RSPH1: variants seen among roughly 807,000 people sequenced by gnomAD.
RSPH1 encodes radial spoke head 1 homolog.
A neutral mutation model predicts 44.2 loss-of-function variants in RSPH1; 32 were observed. The ratio of observed to expected loss-of-function variants is 0.72; its 90% confidence interval spans 0.55 to 0.97. The LOEUF is 0.97. Among genes scored for constraint, RSPH1 ranks in the 50% least tolerant of loss-of-function variants. RSPH1 has a pLI of 0.00. For synonymous variants in RSPH1, 134 were observed against 147.3 expected (o/e 0.91, Z 0.65); for missense variants, 391 against 398.7 (o/e 0.98, Z 0.16).
Position 42,474,918 on chromosome 21 carries a change from T to C in RSPH1, c.877+980A>G, listed in dbSNP as rs568207353. On this transcript the variant is annotated intron_variant, in intron 8 of 8. Transcript: ENST00000291536. The surrounding 1 kb of genome is among the most constrained non-coding windows in gnomAD (Gnocchi z 5.2). The stretch of plus-strand genomic sequence containing the variant: ...ATTATTTTCAAAGGAATGGGAAGTA[T>C]ATTCTTAATTTACAACAGAGACAAA... 6.6e-6 allele frequency among the ~76,000 whole-genome samples: 1 copy of C among 152,248 alleles called. No homozygotes were observed. The highest frequency in any genetic ancestry group is 1.5e-5 in the Non-Finnish European group (1 of 68,030).
At position 42,486,478 on chromosome 21, in the gene RSPH1, A is replaced by T; in HGVS notation, c.275-17T>A. 6.3e-7 allele frequency: 1 copy of T among 1,591,800 alleles called. No individual in the cohort carries two copies. The highest frequency in any genetic ancestry group is 8.6e-7 in the Non-Finnish European group (1 of 1,159,606). On this transcript the variant is annotated splice_polypyrimidine_tract_variant and intron_variant, in intron 3 of 8. Coordinates refer to ENST00000291536, the MANE Select transcript of RSPH1 (RefSeq NM_080860.4). ...CCCACTCTCCTGAAAGGAACAACAC[A>T]AAGGCAAGCCCAGGTGAGAAGAAGG...
intron 1 of RSPH1, among the ~76,000 whole-genome samples, chr21:42,494,305 T>C (rs1477242475): frequency 6.6e-6 from 1 of 152,200 alleles, no homozygotes; most frequent in Non-Finnish European, 1.5e-5. Flanking sequence ...ATAGACTTAT[T>C]ATAACACAAG....
chr21:42,475,607 C>T lies in RSPH1; in HGVS notation c.877+291G>A, dbSNP rs537504508. Among the ~76,000 whole-genome samples the T allele has an allele frequency of 6.1e-5, 9 of 148,134 alleles. No individual in the cohort carries two copies. The East Asian group carries it at 1.0e-3, about 17-fold the overall frequency. ...AATCATGCAACAGAAGAAAGCCAGG[C>T]TCTGCATGTCTGACAGGGCTCTCCA... On this transcript the variant is annotated intron_variant, in intron 8 of 8. Transcript: ENST00000291536.
intron 6 of RSPH1, among the ~76,000 whole-genome samples, chr21:42,481,571 G>A (rs577667291): frequency 6.6e-6 from 1 of 152,152 alleles, no homozygotes; most frequent in Non-Finnish European, 1.5e-5. Context: ...ACTAGGAGGG[G>A]ACACCTCAAC....
Position 42,495,881 on chromosome 21 carries a change from TG to T in RSPH1, c.54+251del, listed in dbSNP as rs1220183103. 5.8e-6 allele frequency: 3 copies of T among 518,864 alleles called. No individual in the cohort carries two copies. The East Asian group carries it at 9.4e-5, about 16-fold the overall frequency. 32.1% of individuals were successfully genotyped at this position (518,864 alleles called of 1,614,324 possible). ...TCCGCTGGGAAATCTTTGCCTTTAATGGGAGGCAGGATGGGGGTGGGGGAAG... is the reference window on the plus strand; with the variant it reads ...TCCGCTGGGAAATCTTTGCCTTTAATGGAGGCAGGATGGGGGTGGGGGAAG... On this transcript the variant is annotated intron_variant, in intron 1 of 8. Coordinates refer to ENST00000291536, the MANE Select transcript of RSPH1 (RefSeq NM_080860.4).
rs150967921 is a variant in RSPH1, at chr21:42,494,351, C to T, written c.55-1272G>A. 1.1e-4 allele frequency among the ~76,000 whole-genome samples: 17 copies of T among 152,248 alleles called. 2 individuals are homozygous for T. The highest frequency in any genetic ancestry group is 1.9e-4 in the East Asian group (1 of 5,184). The stretch of plus-strand genomic sequence containing the variant: ...CTACATTGAGGACTTCAGAAATAAA[C>T]GTCTGTGCAATTCTTGCCCTTTTCT... On this transcript the variant is annotated intron_variant, in intron 1 of 8. Transcript: ENST00000291536.
chr21:42,478,549 C>A (rs1255902454), intron 6 of RSPH1, among the ~76,000 whole-genome samples: 1 of 152,228 alleles, frequency 6.6e-6, no homozygotes, highest in Non-Finnish European at 1.5e-5. Context: ...GGGAACTGCA[C>A]GCCACTTTAT....
At position 42,484,478 on chromosome 21, in the gene RSPH1, C is replaced by T. The variant is rs2054159207; in HGVS notation, c.501+1191G>A. Among the ~76,000 whole-genome samples, 3 of 152,066 alleles carry T rather than the reference C, an allele frequency of 2.0e-5. No individual in the cohort carries two copies. The South Asian group carries it at 6.2e-4, about 31-fold the overall frequency. On this transcript the variant is annotated intron_variant, in intron 5 of 8. Coordinates refer to ENST00000291536, the MANE Select transcript of RSPH1 (RefSeq NM_080860.4). ...ATGATCCTAATTATGTAATTAAAAC[C>T]CCCAAACAATAATTCTGTGTCAGAT... is the stretch of plus-strand genomic sequence containing the variant.
chr21:42,477,930 A>AC (rs1376534598), intron 6 of RSPH1, among the ~76,000 whole-genome samples: 1 of 152,156 alleles, frequency 6.6e-6, no homozygotes, highest in Non-Finnish European at 1.5e-5. Flanking sequence ...AATAAAAGAA[A>AC]CAGCCATTTG....
At chr21:42,488,987 A>AGTTG (rs71332366) in intron 3 of RSPH1, among the ~76,000 whole-genome samples, 50,959 of 151,264 alleles carry the variant, frequency 0.34, 10,113 homozygotes, top group Admixed American at 0.55. Flanking sequence ...AGTAACTCCC[A>AGTTG]GTTGGTTGGT....
rs144168704 is a variant in RSPH1 at position 42,475,992 on chromosome 21, C to G, written c.783G>C (p.Glu261Asp). 4.3e-6 allele frequency: 7 copies of G among 1,613,326 alleles called. No individual in the cohort carries two copies. Among genetic ancestry groups the G allele is most frequent in the South Asian group, 1.1e-5 (1 of 90,968 alleles). ...AQALLEGFEG[E>D]MDMRPGDEDA... ...CTTCATCTCCAGGCCTCATGTCCAT[C>G]TCACCCTCGAAGCCCTCCAGCAGAG... Residue 261 changes from glutamate to aspartate, a missense_variant, in exon 8 of 9, where the codon GAG becomes GAC. Physicochemically the swap from Glu to Asp is conservative, Grantham distance 45 (BLOSUM62 2). Transcript: ENST00000291536.
intron 7 of RSPH1, among the ~76,000 whole-genome samples, chr21:42,476,872 C>T (rs1044413681): frequency 6.6e-6 from 1 of 152,158 alleles, no homozygotes; most frequent in Non-Finnish European, 1.5e-5. Flanking sequence ...CTCAACTGAC[C>T]CAGCATCTGA....
Position 42,477,440 on chromosome 21 carries a change from C to A in RSPH1, c.578G>T (p.Arg193Ile). 1 of 1,613,976 alleles carries A rather than the reference C, an allele frequency of 6.2e-7. No individual in the cohort carries two copies. Among genetic ancestry groups the A allele is most frequent in the Non-Finnish European group, 8.5e-7 (1 of 1,179,844 alleles). ...TTCTTCCTCCTCTTCCTCTTCTCCTCTTTCCTATTTTAAGTGCAAAAATGT... is the reference window on the plus strand; with the variant it reads ...TTCTTCCTCCTCTTCCTCTTCTCCTATTTCCTATTTTAAGTGCAAAAATGT... The part of the protein sequence containing the change: ...HGEYRLTDME[R>I]GEEEEEEELV... The change falls in exon 7 of 9, where the codon AGA becomes ATA. Residue 193 changes from arginine (R) to isoleucine (I), a missense_variant. Physicochemically the swap from Arg to Ile is moderately conservative, Grantham distance 97 (BLOSUM62 -3). Coordinates refer to ENST00000291536, the MANE Select transcript of RSPH1 (RefSeq NM_080860.4).
At chr21:42,480,822 C>T (rs1375963686) in intron 6 of RSPH1, among the ~76,000 whole-genome samples, 5 of 152,050 alleles carry the variant, frequency 3.3e-5, no homozygotes, top group African/African-American at 4.8e-5. Flanking sequence ...CCCTCATGCA[C>T]AGGATCTCCC....
intron 5 of RSPH1, among the ~76,000 whole-genome samples, chr21:42,483,168 G>C (rs1054041579): frequency 2.5e-4 from 38 of 151,218 alleles, no homozygotes; most frequent in Non-Finnish European, 5.5e-4. Context: ...GTTGCCACCT[G>C]GTACTTTATT....
At chr21:42,478,961 C>T (rs1601627176) in intron 6 of RSPH1, among the ~76,000 whole-genome samples, 2 of 152,096 alleles carry the variant, frequency 1.3e-5, no homozygotes, top group East Asian at 3.8e-4. Context: ...CTATCAGGGG[C>T]TGGGGGAGGT....
chr21:42,479,981 T>TGG (rs1203730581), intron 6 of RSPH1, among the ~76,000 whole-genome samples: 1 of 152,118 alleles, frequency 6.6e-6, no homozygotes, highest in Non-Finnish European at 1.5e-5. Context: ...CCCTAGCCAG[T>TGG]GGTTCCTTTT....
In RSPH1 at chr21:42,474,734, C is replaced by T. The variant is rs2054025923; in HGVS notation, c.877+1164G>A. Among the ~76,000 whole-genome samples the T allele has an allele frequency of 6.7e-6, 1 of 148,292 alleles. No individual in the cohort carries two copies. Among genetic ancestry groups the T allele is most frequent in the African/African-American group, 2.6e-5 (1 of 37,842 alleles). On this transcript the variant is annotated intron_variant, in intron 8 of 8. Transcript: ENST00000291536. The surrounding 1 kb of genome is among the most constrained non-coding windows in gnomAD (Gnocchi z 5.2). ...GTTTCCACCTGACCCCACGTCCCAC[C>T]TCAGCACTGCGTCACTGGGTGCATT...
intron 3 of RSPH1, among the ~76,000 whole-genome samples, chr21:42,492,507 C>G (rs2054246093): frequency 6.6e-6 from 1 of 152,250 alleles, no homozygotes; most frequent in Admixed American, 6.5e-5. Context: ...CTTTTGTCTG[C>G]TCCCAGGACA....
Sources: allele counts gnomAD v4.1 joint callset (sites outside exome capture counted in the v4.1 genomes callset), GRCh38; gene constraint gnomAD v4.1.1; non-coding constraint Gnocchi (gnomAD v3.1); transcripts MANE v1.5; gene names NCBI Gene and HGNC (gene_info 2026-07-23, HGNC 2026-07-21).